The following RHOT1 variants were observed in gnomAD, a reference collection of about 807,000 sequenced individuals.
The protein encoded by RHOT1 is ras homolog family member T1.
Under a neutral mutation model 95.3 loss-of-function variants are expected in RHOT1, and 27 were observed. The observed-to-expected ratio is 0.28, with a 90% CI of 0.21 to 0.39. The LOEUF (loss-of-function observed/expected upper bound fraction) is 0.39. Ranked by LOEUF, RHOT1 falls within the 10% of genes least tolerant of loss-of-function variation. The pLI is 1.00. For missense variants in RHOT1, 578 were observed against 786.7 expected (o/e 0.73, Z 3.17); for synonymous variants, 227 against 263.5 (o/e 0.86, Z 1.34).
chr17:32,188,767 C>T (rs1471847264), intron 8 of RHOT1, among the ~76,000 whole-genome samples: 1 of 152,212 alleles, frequency 6.6e-6, no homozygotes, highest in Non-Finnish European at 1.5e-5. Flanking sequence ...ACCTACATGA[C>T]ATGCTTGATT....
In RHOT1 at chr17:32,173,841, G is replaced by T. The variant is rs555292988; in HGVS notation, c.107G>T (p.Arg36Leu). The T allele has an allele frequency of 6.2e-7, 1 of 1,605,090 alleles. No homozygotes were observed. Reference sequence around the variant, plus strand: ...TGTTTGTAAATGAAGGTTCCTCCCCGGGCAGAAGAAATCACCATTCCAGCT... The same window carrying T: ...TGTTTGTAAATGAAGGTTCCTCCCCTGGCAGAAGAAATCACCATTCCAGCT... ...SEEFPEEVPP[R>L]AEEITIPADV... Residue 36 changes from arginine (R) to leucine (L), a missense_variant, in exon 3 of 20, where the codon CGG becomes CTG. Physicochemically the swap from Arg to Leu is moderately radical, Grantham distance 102. Coordinates refer to ENST00000545287, the MANE Select transcript of RHOT1 (RefSeq NM_001033566.3).
rs780487607 is a variant in RHOT1, at chr17:32,142,662, G to A, written c.-31G>A. On this transcript the variant is annotated 5_prime_UTR_variant, in exon 1 of 20. Transcript: ENST00000545287. Reference sequence around the variant, plus strand: ...TGAGAGGAGTCCACTCCGTGCGTGCGGGCGGAGGCCGGCCCCCGAGAGCCG... The same window carrying A: ...TGAGAGGAGTCCACTCCGTGCGTGCAGGCGGAGGCCGGCCCCCGAGAGCCG... The A allele has an allele frequency of 3.5e-5, 54 of 1,521,386 alleles. No individual in the cohort carries two copies. In the African/African-American group the frequency reaches 7.2e-4, roughly 20 times the overall value. The allele number at this position is 1,521,386 out of a possible 1,614,324, so 94.2% of individuals were successfully genotyped here. A position where few individuals can be genotyped will look rare whatever the true frequency, so the allele number is the denominator to read the frequency against.
At position 32,211,960 on chromosome 17, in the gene RHOT1, G is replaced by T. The variant is rs1189200831; in HGVS notation, c.1862+722G>T. Among the ~76,000 whole-genome samples the T allele has an allele frequency of 2.6e-5, 4 of 152,242 alleles. No homozygotes were observed. The East Asian group carries it at 7.7e-4, about 29-fold the overall frequency. On this transcript the variant is annotated intron_variant, in intron 19 of 19. Coordinates refer to ENST00000545287, the MANE Select transcript of RHOT1 (RefSeq NM_001033566.3). ...TCCCTCAAAGCAATAATCTTGGAAG[G>T]TTGTATTCTTATGCTGATCATGCTA...
At chr17:32,154,242 G>A (rs1411945285) in intron 1 of RHOT1, among the ~76,000 whole-genome samples, 1 of 150,340 alleles carries the variant, frequency 6.7e-6, no homozygotes, top group African/African-American at 2.5e-5. Flanking sequence ...GGGGTTTGAG[G>A]CCAGCCTGGA....
At chr17:32,207,996 T>A in intron 17 of RHOT1, 111 bp from the exon 18 acceptor site, 1 of 929,636 alleles carries the variant, frequency 1.1e-6, no homozygotes, top group Non-Finnish European at 1.6e-6. Context: ...ACTTTTTCGC[T>A]TTGAAACTAC....
chr17:32,191,845 G>A (rs1300473391), intron 8 of RHOT1, among the ~76,000 whole-genome samples: 2 of 152,146 alleles, frequency 1.3e-5, no homozygotes, highest in Non-Finnish European at 2.9e-5. Flanking sequence ...AAAGTCCTTA[G>A]TAGTTTTAAA....
intron 8 of RHOT1, among the ~76,000 whole-genome samples, chr17:32,187,124 T>G (rs532938932): frequency 6.6e-6 from 1 of 151,986 alleles, no homozygotes; most frequent in South Asian, 2.1e-4. Context: ...CTGTCTCTAC[T>G]AAAAATACAA....
At chr17:32,166,669 A>C (rs1018544208) in intron 1 of RHOT1, among the ~76,000 whole-genome samples, 2 of 152,212 alleles carry the variant, frequency 1.3e-5, no homozygotes, top group Non-Finnish European at 2.9e-5. Flanking sequence ...TTCTGTCTCA[A>C]GAAACCACAT....
chr17:32,208,322 T>C lies in RHOT1; in HGVS notation c.1739+13T>C, dbSNP rs1453311562. ...TGGCCATGTATCCGTAAGTACTTGC[T>C]GTCTTCATTTTCATGTTGCATGGTT... is the stretch of plus-strand genomic sequence containing the variant. On this transcript the variant is annotated intron_variant, in intron 18 of 19. Transcript: ENST00000545287. 1 of 1,608,082 alleles carries C rather than the reference T, an allele frequency of 6.2e-7. No individual in the cohort carries two copies. Among genetic ancestry groups the C allele is most frequent in the East Asian group, 2.2e-5 (1 of 44,852 alleles).
At chr17:32,158,594 G>C (rs1223996444) in intron 1 of RHOT1, among the ~76,000 whole-genome samples, 1 of 152,048 alleles carries the variant, frequency 6.6e-6, no homozygotes, top group African/African-American at 2.4e-5. Flanking sequence ...CTAGTAGCTA[G>C]GACTACAAGC....
chr17:32,142,761 T>C (rs775184774), intron 1 of RHOT1, 32 bp downstream of exon 1: 1 of 1,475,392 alleles, frequency 6.8e-7, no homozygotes, highest in Non-Finnish European at 9.0e-7. Context: ...GGCCCCTGAG[T>C]CCCTGCCCTC....
At position 32,200,952 on chromosome 17, in the gene RHOT1, A is replaced by G. The variant is rs762184657; in HGVS notation, c.1101-4A>G. 2.7e-5 allele frequency: 44 copies of G among 1,602,122 alleles called. No individual in the cohort carries two copies. In the South Asian group the frequency reaches 4.8e-4, roughly 17 times the overall value. On this transcript the variant is annotated splice_polypyrimidine_tract_variant and splice_region_variant and intron_variant, in intron 13 of 19. Coordinates refer to ENST00000545287, the MANE Select transcript of RHOT1 (RefSeq NM_001033566.3). Reference sequence around the variant, plus strand: ...TTCACATTTTAAACTCTTTTCTTTCATAGGCTCACGACTTATTTAGATGTA... The same window carrying G: ...TTCACATTTTAAACTCTTTTCTTTCGTAGGCTCACGACTTATTTAGATGTA...
intron 19 of RHOT1, among the ~76,000 whole-genome samples, chr17:32,215,413 G>T (rs1230566424): frequency 6.6e-6 from 1 of 152,146 alleles, no homozygotes; most frequent in Admixed American, 6.5e-5. Flanking sequence ...TTCATTCAGA[G>T]TACTTAATTT....
chr17:32,152,470 A>G (rs2032430618), intron 1 of RHOT1, among the ~76,000 whole-genome samples: 1 of 152,176 alleles, frequency 6.6e-6, no homozygotes, highest in African/African-American at 2.4e-5. Flanking sequence ...GAGTTTTAAG[A>G]AGAGAGATGA....
At chr17:32,193,297 G>C in intron 10 of RHOT1, 53 bp downstream of exon 10, 1 of 1,208,820 alleles carries the variant, frequency 8.3e-7, no homozygotes, top group Non-Finnish European at 1.2e-6. Flanking sequence ...TCAAAATTTG[G>C]CAGAAGGTGA....
At chr17:32,173,808 T>C (rs2034776558) in intron 2 of RHOT1, 23 bp from the exon 3 acceptor site, 2 of 1,518,796 alleles carry the variant, frequency 1.3e-6, no homozygotes, top group Non-Finnish European at 1.8e-6. Context: ...TTTTTTTTTT[T>C]CTATATTTGT....
chr17:32,149,739 A>C (rs2032044636), intron 1 of RHOT1, among the ~76,000 whole-genome samples: 1 of 126,708 alleles, frequency 7.9e-6, no homozygotes. Context: ...ATATATATAC[A>C]CACACACACA....
At position 32,165,226 on chromosome 17, in the gene RHOT1, A is replaced by C. The variant is rs537979328; in HGVS notation, c.38-5817A>C. Among the ~76,000 whole-genome samples the C allele has an allele frequency of 1.5e-4, 22 of 150,590 alleles. No individual in the cohort carries two copies. In the East Asian group the frequency reaches 4.4e-3, roughly 30 times the overall value. ...GTGGCAGGTGCCTGTAGTCCCAGCT[A>C]CTTGGGAGGCTGAGGCAGGAGAATG... On this transcript the variant is annotated intron_variant, in intron 1 of 19. Coordinates refer to ENST00000545287, the MANE Select transcript of RHOT1 (RefSeq NM_001033566.3).
chr17:32,158,793 A>G (rs2142426357), intron 1 of RHOT1, among the ~76,000 whole-genome samples: 1 of 152,320 alleles, frequency 6.6e-6, no homozygotes, highest in Admixed American at 6.5e-5. Context: ...TCTTTTGATA[A>G]ATACAGAGCT....
Sources: allele counts gnomAD v4.1 joint callset (sites outside exome capture counted in the v4.1 genomes callset), GRCh38; gene constraint gnomAD v4.1.1; transcripts MANE v1.5; gene names NCBI Gene and HGNC (gene_info 2026-07-23, HGNC 2026-07-21).